Variants in PHF14 observed in about 807,000 individuals in gnomAD.
PHF14 encodes PHD finger protein 14.
A neutral mutation model predicts 117.9 loss-of-function variants in PHF14; 55 were observed. The observed-to-expected ratio is 0.47, with a 90% CI of 0.38 to 0.58. The LOEUF is 0.58. Among genes scored for constraint, PHF14 ranks in the 20% least tolerant of loss-of-function variants. The pLI, the probability that PHF14 is intolerant of heterozygous loss-of-function variation, is 0.00. For missense variants in PHF14, 978 were observed against 1,122.2 expected (o/e 0.87, Z 1.84); for synonymous variants, 409 against 368.6 (o/e 1.11, Z -1.26).
intron 9 of PHF14, 101 bp downstream of exon 9, chr7:11,036,789 G>A: frequency 1.8e-6 from 2 of 1,096,128 alleles, no homozygotes; most frequent in Admixed American, 2.4e-5. Flanking sequence ...TAGCCATGCT[G>A]CATATATCAT....
At chr7:11,101,258 C>G (rs1787077089) in intron 16 of PHF14, among the ~76,000 whole-genome samples, 1 of 151,810 alleles carries the variant, frequency 6.6e-6, no homozygotes, top group African/African-American at 2.4e-5. Context: ...GGATGCATTT[C>G]AAAGTGAAAT....
intron 16 of PHF14, among the ~76,000 whole-genome samples, chr7:11,068,686 T>C (rs1212302659): frequency 6.6e-6 from 1 of 152,200 alleles, no homozygotes; most frequent in Non-Finnish European, 1.5e-5. Context: ...GTCAATGCTA[T>C]GTATATTTTA....
At chr7:11,038,977 T>C in intron 11 of PHF14, 122 bp downstream of exon 11, 1 of 435,642 alleles carries the variant, frequency 2.3e-6, no homozygotes, top group Non-Finnish European at 4.2e-6. Context: ...CAGGGCCTAA[T>C]CCTTTGGGAT....
At chr7:11,108,569 T>C (rs994566619) in intron 16 of PHF14, 4 of 151,776 alleles carry the variant, frequency 2.6e-5, no homozygotes, top group African/African-American at 9.7e-5. Flanking sequence ...CTGAAAGGTA[T>C]CACTAATGAA....
chr7:11,089,895 C>T (rs769269964), intron 16 of PHF14, among the ~76,000 whole-genome samples: 3 of 151,806 alleles, frequency 2.0e-5, no homozygotes, highest in Non-Finnish European at 4.4e-5. Context: ...CTCAGCCTCC[C>T]GAGTAAACTG....
chr7:11,102,239 A>C (rs966488768), intron 16 of PHF14, among the ~76,000 whole-genome samples: 3 of 151,828 alleles, frequency 2.0e-5, no homozygotes, highest in African/African-American at 7.2e-5. Flanking sequence ...TTATTTTGAC[A>C]ACCAAAAGTA....
chr7:11,020,030 A>T (rs928144421), intron 5 of PHF14, among the ~76,000 whole-genome samples: 1 of 151,942 alleles, frequency 6.6e-6, no homozygotes, highest in African/African-American at 2.4e-5. Context: ...CTTAATTTTT[A>T]AAAATAAGCT....
chr7:10,995,143 TACA>T (rs2128311473), intron 4 of PHF14, among the ~76,000 whole-genome samples: 1 of 152,290 alleles, frequency 6.6e-6, no homozygotes, highest in South Asian at 2.1e-4. Context: ...ATTGGTGTGT[TACA>T]AACCTTGAGC....
At chr7:11,087,375 A>G (rs1221273143) in intron 16 of PHF14, among the ~76,000 whole-genome samples, 2 of 152,086 alleles carry the variant, frequency 1.3e-5, no homozygotes, top group African/African-American at 4.8e-5. Flanking sequence ...TATTTTTAGT[A>G]GAGACGGGGT....
At chr7:11,146,105 A>AT (rs1176726596) in intron 17 of PHF14, among the ~76,000 whole-genome samples, 8 of 152,236 alleles carry the variant, frequency 5.3e-5, no homozygotes, top group Middle Eastern at 3.4e-3. Context: ...AAATGTCAGA[A>AT]TTCCTCCAAT....
chr7:10,974,491 A>AT (rs1781795560), intron 1 of PHF14, among the ~76,000 whole-genome samples, 167 bp downstream of exon 1: 1 of 152,048 alleles, frequency 6.6e-6, no homozygotes, highest in Non-Finnish European at 1.5e-5. Flanking sequence ...TTATTCCCTG[A>AT]TTTTTGCCGT....
intron 16 of PHF14, among the ~76,000 whole-genome samples, chr7:11,080,566 C>A (rs1377050534): frequency 1.3e-5 from 2 of 152,090 alleles, no homozygotes; most frequent in South Asian, 2.1e-4. Flanking sequence ...TTTAAATAAA[C>A]ATTAACTCTG....
chr7:11,165,569 A>G (rs755907404), intron 17 of PHF14, among the ~76,000 whole-genome samples: 4 of 152,192 alleles, frequency 2.6e-5, no homozygotes, highest in Non-Finnish European at 5.9e-5. Flanking sequence ...TACAAGGTAA[A>G]CAAAGTTATC....
chr7:11,158,443 C>T (rs533048864), intron 17 of PHF14, among the ~76,000 whole-genome samples: 2 of 152,246 alleles, frequency 1.3e-5, no homozygotes, highest in South Asian at 2.1e-4. Flanking sequence ...TGTCAGTATA[C>T]ATACTATACA....
intron 13 of PHF14, among the ~76,000 whole-genome samples, chr7:11,047,270 GTGTT>G (rs1485441697): frequency 6.6e-6 from 1 of 151,510 alleles, no homozygotes; most frequent in Non-Finnish European, 1.5e-5. Flanking sequence ...GGGTTTCACC[GTGTT>G]AGCCAGAATG....
intron 16 of PHF14, among the ~76,000 whole-genome samples, chr7:11,065,714 G>C (rs1785399763): frequency 6.6e-6 from 1 of 152,144 alleles, no homozygotes; most frequent in South Asian, 2.1e-4. Flanking sequence ...ATATGAAAAG[G>C]AAGTGGGCCT....
intron 16 of PHF14, among the ~76,000 whole-genome samples, chr7:11,096,984 T>G (rs1385705844): frequency 2.0e-5 from 3 of 150,096 alleles, no homozygotes; most frequent in East Asian, 1.9e-4. Context: ...TTTTTTTTTT[T>G]TTTTTTTTTT....
chr7:11,155,794 C>T (rs1277902900), intron 17 of PHF14, among the ~76,000 whole-genome samples: 3 of 150,040 alleles, frequency 2.0e-5, no homozygotes, highest in Non-Finnish European at 4.4e-5. Flanking sequence ...GCAACTAGCA[C>T]AGTGCCTGAC....
At chr7:11,066,809 G>C (rs376949955) in intron 16 of PHF14, among the ~76,000 whole-genome samples, 100 of 152,230 alleles carry the variant, frequency 6.6e-4, no homozygotes, top group African/African-American at 2.2e-3. Context: ...ACCAACTCTT[G>C]ATTACTCAGG....
Sources: gnomAD v4.1 joint callset for allele counts (sites outside exome capture counted in the v4.1 genomes callset) on GRCh38, gnomAD v4.1.1 for gene constraint, MANE v1.5 for transcripts, NCBI Gene and HGNC (gene_info 2026-07-23, HGNC 2026-07-21) for gene names.